Variants in CPE observed in about 807,000 individuals in gnomAD.
CPE encodes the protein carboxypeptidase E.
In CPE, 17 loss-of-function variants were observed where a neutral mutation model predicts 53.5. The ratio of observed to expected loss-of-function variants is 0.32; its 90% CI spans 0.22 to 0.48. The LOEUF is 0.48. Ranked by LOEUF, CPE falls within the 20% of genes least tolerant of loss-of-function variation. The pLI is 0.99. For missense variants in CPE, 524 were observed against 614.7 expected (o/e 0.85, Z 1.56); for synonymous variants, 226 against 228.8 (o/e 0.99, Z 0.11).
rs555721212 is a variant in CPE at position 165,379,830 on chromosome 4, G to T, written c.307+302G>T. ...TGGGAGGCTGGGGTGGCGGGGGATG[G>T]GGGGGATAGCAATACAGAAAAAACA... On this transcript the variant is annotated intron_variant, in intron 1 of 8. Transcript: ENST00000402744. The surrounding 1 kb of genome is among the most constrained non-coding windows in gnomAD (Gnocchi z 6.0). Among the ~76,000 whole-genome samples the T allele has an allele frequency of 3.4e-4, 51 of 152,150 alleles. No individual in the cohort carries two copies. The highest frequency in any genetic ancestry group is 1.2e-3 in the African/African-American group (49 of 41,534).
intron 3 of CPE, among the ~76,000 whole-genome samples, chr4:165,471,751 A>G (rs1348939220): frequency 2.6e-5 from 4 of 152,150 alleles, no homozygotes; most frequent in African/African-American, 9.7e-5. Flanking sequence ...TTTACTCCCC[A>G]TGGATCAGGA....
At chr4:165,405,752 T>C in intron 1 of CPE, 1 of 936,464 alleles carries the variant, frequency 1.1e-6, no homozygotes, top group Non-Finnish European at 1.8e-6. Flanking sequence ...GCACGGATGT[T>C]TCTGCCAGTC....
In CPE at chr4:165,438,873, C is replaced by T. The variant is rs562176413; in HGVS notation, c.308-25517C>T. 3.3e-5 allele frequency among the ~76,000 whole-genome samples: 5 copies of T among 152,166 alleles called. No individual in the cohort carries two copies. The South Asian group carries it at 6.2e-4, about 19-fold the overall frequency. On this transcript the variant is annotated intron_variant, in intron 1 of 8. Transcript: ENST00000402744. ...AGAGTGCTTGCGCAAAGGATGTGCACGGATGGCAAAAATCAGAGGTAGAGA... is the reference window on the plus strand; with the variant it reads ...AGAGTGCTTGCGCAAAGGATGTGCATGGATGGCAAAAATCAGAGGTAGAGA...
intron 1 of CPE, among the ~76,000 whole-genome samples, chr4:165,432,168 G>A (rs1476970443): frequency 6.6e-6 from 1 of 152,198 alleles, no homozygotes; most frequent in Non-Finnish European, 1.5e-5. Flanking sequence ...ATTTGCCCTT[G>A]TCTCTCTTCA....
chr4:165,493,581 G>A (rs1381595734), intron 7 of CPE, among the ~76,000 whole-genome samples: 3 of 152,184 alleles, frequency 2.0e-5, no homozygotes, highest in African/African-American at 7.2e-5. Flanking sequence ...AAAGGAAAAG[G>A]AGCTGCTGGA....
intron 1 of CPE, among the ~76,000 whole-genome samples, chr4:165,442,037 TTTTTTTTTTG>T (rs756843089): frequency 0.13 from 14,909 of 114,632 alleles, 1,370 homozygotes; most frequent in African/African-American, 0.2. Context: ...TTTTTTTTTG[TTTTTTTTTTG>T]TTTTTTTTTT....
intron 1 of CPE, among the ~76,000 whole-genome samples, chr4:165,448,106 A>T (rs1001048611): frequency 1.2e-4 from 19 of 152,296 alleles, no homozygotes; most frequent in African/African-American, 4.6e-4. Context: ...GGTAAAAATT[A>T]TTGTGTATTT....
intron 1 of CPE, among the ~76,000 whole-genome samples, chr4:165,462,626 GGAA>G (rs1370634270): frequency 6.6e-6 from 1 of 152,136 alleles, no homozygotes; most frequent in African/African-American, 2.4e-5. Context: ...TTTACAGAAA[GGAA>G]GAAGGTTATT....
chr4:165,490,629 C>CA (rs36034365), intron 6 of CPE, among the ~76,000 whole-genome samples: 5,449 of 40,030 alleles, frequency 0.14, 491 homozygotes, highest in East Asian at 0.17. Flanking sequence ...GACTCCGTCT[C>CA]AAAAAAAAAA....
intron 1 of CPE, among the ~76,000 whole-genome samples, chr4:165,415,565 C>T (rs1270802836): frequency 6.6e-6 from 1 of 152,002 alleles, no homozygotes; most frequent in African/African-American, 2.4e-5. Flanking sequence ...TCCATGTCTT[C>T]CTTTTATTCT....
chr4:165,480,271 A>C (rs1003172423), intron 3 of CPE, among the ~76,000 whole-genome samples: 8 of 152,164 alleles, frequency 5.3e-5, no homozygotes, highest in African/African-American at 1.9e-4. Context: ...TGCAGTTTGG[A>C]ATACATTTTT....
chr4:165,398,062 A>C (rs992920167), intron 1 of CPE, among the ~76,000 whole-genome samples: 1 of 149,436 alleles, frequency 6.7e-6, no homozygotes, highest in South Asian at 2.1e-4. Flanking sequence ...AAAAAAAAAA[A>C]AAAAAAAAAC....
intron 1 of CPE, among the ~76,000 whole-genome samples, chr4:165,436,671 A>G (rs922539220): frequency 3.3e-5 from 5 of 152,172 alleles, no homozygotes; most frequent in African/African-American, 7.2e-5. Context: ...AGACAGAAAA[A>G]TCTTTTTAAT....
At chr4:165,393,065 T>G (rs1198523430) in intron 1 of CPE, among the ~76,000 whole-genome samples, 3 of 152,070 alleles carry the variant, frequency 2.0e-5, no homozygotes, top group Admixed American at 6.6e-5. Flanking sequence ...TGTTATGTAA[T>G]TTTGATTTTG....
chr4:165,393,131 G>A (rs1170104734), intron 1 of CPE, among the ~76,000 whole-genome samples: 2 of 151,988 alleles, frequency 1.3e-5, no homozygotes, highest in South Asian at 2.1e-4. Flanking sequence ...TTTTGACTAT[G>A]TAATTCAAAA....
chr4:165,492,482 A>G lies in CPE; in HGVS notation c.1114-689A>G, dbSNP rs553193149. Among the ~76,000 whole-genome samples the G allele has an allele frequency of 3.9e-5, 6 of 152,316 alleles. No homozygotes were observed. In the South Asian group the frequency reaches 1.2e-3, roughly 32 times the overall value. ...TGCAGACAAAACCCCTCAGACACCG[A>G]GTTAAAGAAGGAAGGGCTTTATTAT... On this transcript the variant is annotated intron_variant, in intron 6 of 8. Transcript: ENST00000402744.
intron 1 of CPE, among the ~76,000 whole-genome samples, chr4:165,440,673 T>C (rs1256819637): frequency 6.6e-6 from 1 of 152,168 alleles, no homozygotes; most frequent in Non-Finnish European, 1.5e-5. Flanking sequence ...AACATTAGCA[T>C]CATTGCTGGG....
intron 2 of CPE, 105 bp from the exon 3 acceptor site, chr4:165,467,583 A>G (rs1359304357): frequency 2.7e-6 from 3 of 1,096,868 alleles, no homozygotes; most frequent in Admixed American, 2.8e-5. Context: ...GTTGAAGTAA[A>G]TAATCTTAAT....
chr4:165,490,629 C>CAAAAAAAA (rs36034365), intron 6 of CPE, among the ~76,000 whole-genome samples: 1 of 41,010 alleles, frequency 2.4e-5, no homozygotes, highest in Non-Finnish European at 5.1e-5. Context: ...GACTCCGTCT[C>CAAAAAAAA]AAAAAAAAAA....
Sources: gnomAD v4.1 joint callset for allele counts (sites outside exome capture counted in the v4.1 genomes callset) on GRCh38, gnomAD v4.1.1 for gene constraint, Gnocchi (gnomAD v3.1) non-coding constraint, MANE v1.5 for transcripts, NCBI Gene and HGNC (gene_info 2026-07-23, HGNC 2026-07-21) for gene names.